PHLDB1: variants seen among roughly 807,000 people sequenced by gnomAD.
PHLDB1 encodes pleckstrin homology like domain family B member 1, also known as pleckstrin homology-like domain family B member 1.
Under a neutral mutation model 139.3 loss-of-function variants are expected in PHLDB1, and 65 were observed. The observed-to-expected ratio is 0.47, with a 90% CI of 0.38 to 0.57. The LOEUF is 0.57. Among genes scored for constraint, PHLDB1 ranks in the 20% least tolerant of loss-of-function variants. PHLDB1 has a pLI of 0.00. For missense variants in PHLDB1, 1,624 were observed against 1,839.7 expected (o/e 0.88, Z 2.14); for synonymous variants, 679 against 734.5 (o/e 0.92, Z 1.22).
Position 118,631,358 on chromosome 11 carries a change from C to A in PHLDB1, c.1979C>A (p.Ala660Asp). ...GRRPSRGLAG[A>D]SGRSSEEPGV... The stretch of plus-strand genomic sequence containing the variant: ...AGGCCCTCACGAGGCCTTGCAGGGG[C>A]CTCTGGGCGGAGCAGCGAGGAGCCT... Residue 660 changes from alanine (A) to aspartate (D), a missense_variant, in exon 7 of 23, where the codon GCC (alanine) becomes GAC (aspartate). By Grantham distance (126) the Ala-to-Asp change is moderately radical. Coordinates refer to ENST00000600882, the MANE Select transcript of PHLDB1 (RefSeq NM_001144758.3). 6.5e-7 allele frequency: 1 copy of A among 1,533,364 alleles called. No individual in the cohort carries two copies. The highest frequency in any genetic ancestry group is 8.8e-7 in the Non-Finnish European group (1 of 1,141,596). 95.0% of individuals were successfully genotyped at this position (1,533,364 alleles called of 1,614,324 possible). A position where few individuals can be genotyped will look rare whatever the true frequency, so the allele number is the denominator to read the frequency against.
At chr11:118,614,802 C>A in intron 3 of PHLDB1, 120 bp downstream of exon 3, 5 of 973,470 alleles carry the variant, frequency 5.1e-6, no homozygotes, top group Non-Finnish European at 7.5e-6. Flanking sequence ...CTCGCCTCCC[C>A]ACACCACCAG....
At chr11:118,636,400 G>C (rs1945655672) in intron 10 of PHLDB1, among the ~76,000 whole-genome samples, 1 of 152,142 alleles carries the variant, frequency 6.6e-6, no homozygotes, top group Non-Finnish European at 1.5e-5. Flanking sequence ...GGAGCTGCTG[G>C]ACTTTCCTTG....
At chr11:118,635,846 A>G (rs1945552219) in intron 10 of PHLDB1, among the ~76,000 whole-genome samples, 1 of 152,120 alleles carries the variant, frequency 6.6e-6, no homozygotes, top group Non-Finnish European at 1.5e-5. Context: ...CAGGAAGGTG[A>G]AAGATGGAGG....
rs1247846644 is a variant in PHLDB1 at position 118,632,419 on chromosome 11, G to GT, written c.2379+124dup. 7 of 1,016,068 alleles carry GT rather than the reference G, an allele frequency of 6.9e-6. No individual in the cohort carries two copies. Among genetic ancestry groups the GT allele is most frequent in the Non-Finnish European group, 1.0e-5 (7 of 683,230 alleles). 62.9% of individuals were successfully genotyped at this position (1,016,068 alleles called of 1,614,324 possible). ...CCATTCTGCAGTACAAGTGGTCTCTGTGGCTTTCCAGAGACAGAGTGACTT... is the reference window on the plus strand; with the variant it reads ...CCATTCTGCAGTACAAGTGGTCTCTGTTGGCTTTCCAGAGACAGAGTGACTT... On this transcript the variant is annotated intron_variant, in intron 9 of 22. Transcript: ENST00000600882. This position sits in a 1 kb window ranked among gnomAD's most constrained non-coding sequence, Gnocchi z 5.9.
chr11:118,635,139 T>A, intron 9 of PHLDB1: 1 of 558,638 alleles, frequency 1.8e-6, no homozygotes, highest in East Asian at 3.2e-5. Flanking sequence ...CCACCTGGCC[T>A]CTGCAGTACC....
At chr11:118,647,335 T>C (rs1290431614) in intron 17 of PHLDB1, 1 of 152,420 alleles carries the variant, frequency 6.6e-6, no homozygotes, top group Admixed American at 6.5e-5. Context: ...TGGGCATTTA[T>C]CTACATGATC....
chr11:118,632,159 G>A lies in PHLDB1; in HGVS notation c.2242G>A (p.Ala748Thr). ...EQQLQESARE[A>T]EMERALLQGE... The stretch of plus-strand genomic sequence containing the variant: ...TGGGGACCCTGGTGTCTGCCCCCAG[G>A]CCGAAATGGAGCGGGCACTGCTGCA... Residue 748 changes from alanine (A) to threonine (T), a missense_variant and splice_region_variant, in exon 9 of 23, where the codon GCC becomes ACC. Physicochemically the swap from Ala to Thr is moderately conservative, Grantham distance 58. Coordinates refer to ENST00000600882, the MANE Select transcript of PHLDB1 (RefSeq NM_001144758.3). This position sits in a 1 kb window ranked among gnomAD's most constrained non-coding sequence, Gnocchi z 5.9. The A allele has an allele frequency of 6.2e-7, 1 of 1,613,982 alleles. No individual in the cohort carries two copies. Among genetic ancestry groups the A allele is most frequent in the South Asian group, 1.1e-5 (1 of 91,072 alleles).
At position 118,632,214 on chromosome 11, in the gene PHLDB1, TGCA is replaced by T; in HGVS notation, c.2299_2301del (p.Gln767del). ...GAGAGGGAGGCAGAGCGGGCACTGC[TGCA>T]GAAGGAGCAGAAGGCAGTGGATCAG... On this transcript the variant is annotated inframe_deletion, in exon 9 of 23. Transcript: ENST00000600882. This position sits in a 1 kb window ranked among gnomAD's most constrained non-coding sequence, Gnocchi z 5.9. 6 of 1,614,124 alleles carry T rather than the reference TGCA, an allele frequency of 3.7e-6. No individual in the cohort carries two copies. The highest frequency in any genetic ancestry group is 5.1e-6 in the Non-Finnish European group (6 of 1,180,016).
chr11:118,631,469 C>A lies in PHLDB1; in HGVS notation c.2090C>A (p.Thr697Asn). Residue 697 changes from threonine to asparagine, a missense_variant, in exon 7 of 23, where the codon ACC becomes AAC. Transcript: ENST00000600882. ...GAGGAGTGCAGCAGCACTGAGAGCA[C>A]CCAGCAGGAGGTGAGATGGAGGGGT... ...LKEECSSTES[T>N]QQEHEDAPST... is the part of the protein sequence containing the mutation. 7.0e-7 allele frequency: 1 copy of A among 1,423,576 alleles called. No homozygotes were observed. 88.2% of individuals were successfully genotyped at this position (1,423,576 alleles called of 1,614,324 possible).
In PHLDB1 at chr11:118,658,014, C is replaced by T. The variant is rs1949219887; in HGVS notation, c.*1191C>T. On this transcript the variant is annotated 3_prime_UTR_variant, in exon 23 of 23. Coordinates refer to ENST00000600882, the MANE Select transcript of PHLDB1 (RefSeq NM_001144758.3). ...AAGCATTTCAGCAGAACAATAAAGC[C>T]TTTGGACTACGGAAGTGAGTGGAAG... The T allele has an allele frequency of 2.0e-6, 1 of 492,204 alleles. No individual in the cohort carries two copies. Among genetic ancestry groups the T allele is most frequent in the Admixed American group, 3.2e-5 (1 of 31,050 alleles). The allele number at this position is 492,204 out of a possible 1,614,324, so 30.5% of individuals were successfully genotyped here. A position where few individuals can be genotyped will look rare whatever the true frequency, so the allele number is the denominator to read the frequency against.
At chr11:118,621,071 G>C (rs1018516050) in intron 4 of PHLDB1, among the ~76,000 whole-genome samples, 1 of 118,474 alleles carries the variant, frequency 8.4e-6, no homozygotes, top group South Asian at 2.8e-4. Context: ...CTTACCACAG[G>C]GGGCTGGGAA....
Position 118,650,057 on chromosome 11 carries a change from AC to A in PHLDB1, c.3655-17del. The A allele has an allele frequency of 6.4e-7, 1 of 1,568,512 alleles. No homozygotes were observed. Among genetic ancestry groups the A allele is most frequent in the Non-Finnish European group, 8.8e-7 (1 of 1,138,582 alleles). On this transcript the variant is annotated intron_variant, in intron 18 of 22. Transcript: ENST00000600882. This position sits in a 1 kb window ranked among gnomAD's most constrained non-coding sequence, Gnocchi z 4.7. Reference sequence around the variant, plus strand: ...TGAGGGAAGAGAGGAGACTCTCCTGACCCTCCCTCTTGCTCCCAGGCACGAC... The same window carrying A: ...TGAGGGAAGAGAGGAGACTCTCCTGACCTCCCTCTTGCTCCCAGGCACGAC...
At chr11:118,624,843 C>T (rs1943570003) in intron 4 of PHLDB1, 91 bp from the exon 5 acceptor site, 2 of 1,361,880 alleles carry the variant, frequency 1.5e-6, no homozygotes, top group South Asian at 1.2e-5. Flanking sequence ...CTCCCGACCT[C>T]AGGTGATCCA....
At position 118,656,937 on chromosome 11, in the gene PHLDB1, G is replaced by T. The variant is rs1468848770; in HGVS notation, c.*114G>T. ...TGGGCTCTGGCCTCCTGAAGAACCA[G>T]CCAGAAGAAGAAAAGTAGAGGTGGC... On this transcript the variant is annotated 3_prime_UTR_variant, in exon 23 of 23. Transcript: ENST00000600882. 5 of 930,856 alleles carry T rather than the reference G, an allele frequency of 5.4e-6. No homozygotes were observed. The highest frequency in any genetic ancestry group is 8.0e-6 in the Non-Finnish European group (5 of 627,324). 57.7% of individuals were successfully genotyped at this position (930,856 alleles called of 1,614,324 possible).
chr11:118,617,666 C>T (rs947860241), intron 4 of PHLDB1, among the ~76,000 whole-genome samples: 77 of 151,992 alleles, frequency 5.1e-4, no homozygotes, highest in African/African-American at 1.8e-3. Flanking sequence ...TCTTCCTGCC[C>T]TCGGGTAGGG....
At position 118,632,139 on chromosome 11, in the gene PHLDB1, AC is replaced by A; in HGVS notation, c.2242-17del. 1.2e-6 allele frequency: 2 copies of A among 1,613,776 alleles called. No homozygotes were observed. Among genetic ancestry groups the A allele is most frequent in the Non-Finnish European group, 1.7e-6 (2 of 1,179,848 alleles). ...GCCACAGTCAGCTGCTTTGATGGGG[AC>A]CCTGGTGTCTGCCCCCAGGCCGAAA... On this transcript the variant is annotated intron_variant, in intron 8 of 22. Coordinates refer to ENST00000600882, the MANE Select transcript of PHLDB1 (RefSeq NM_001144758.3). This position sits in a 1 kb window ranked among gnomAD's most constrained non-coding sequence, Gnocchi z 5.9.
chr11:118,639,407 T>A (rs1946161783), intron 12 of PHLDB1, 156 bp downstream of exon 12: 1 of 642,406 alleles, frequency 1.6e-6, no homozygotes, highest in African/African-American at 1.8e-5. Flanking sequence ...GCTCTGGGAT[T>A]TGATTTTCCA....
In PHLDB1 at chr11:118,621,674, G is replaced by C. The variant is rs1011877463; in HGVS notation, c.356-3260G>C. On this transcript the variant is annotated intron_variant, in intron 4 of 22. Coordinates refer to ENST00000600882, the MANE Select transcript of PHLDB1 (RefSeq NM_001144758.3). ...CTCTGACCTTCTTTGGGAGCTTGAG[G>C]CTGAGAGACTCGATTGTGTGTGTTC... 3.9e-5 allele frequency: 6 copies of C among 152,330 alleles called. No individual in the cohort carries two copies. In the East Asian group the frequency reaches 1.2e-3, roughly 29 times the overall value. 9.4% of individuals were successfully genotyped at this position (152,330 alleles called of 1,614,324 possible).
At position 118,631,820 on chromosome 11, in the gene PHLDB1, C is replaced by T. The variant is rs1944861102; in HGVS notation, c.2101-93C>T. ...CTCCTGTCTCAGTCCAGCTATTCCT[C>T]AGCAAGTGCCTGGAGGAACAGGTGA... On this transcript the variant is annotated intron_variant, in intron 7 of 22. Coordinates refer to ENST00000600882, the MANE Select transcript of PHLDB1 (RefSeq NM_001144758.3). 1.5e-5 allele frequency: 22 copies of T among 1,419,612 alleles called. No individual in the cohort carries two copies. In the East Asian group the frequency reaches 5.0e-4, roughly 33 times the overall value. The allele number at this position is 1,419,612 out of a possible 1,614,324, so 87.9% of individuals were successfully genotyped here. A position where few individuals can be genotyped will look rare whatever the true frequency, so the allele number is the denominator to read the frequency against.
Sources: allele counts gnomAD v4.1 joint callset (sites outside exome capture counted in the v4.1 genomes callset), GRCh38; gene constraint gnomAD v4.1.1; non-coding constraint Gnocchi (gnomAD v3.1); transcripts MANE v1.5; gene names NCBI Gene and HGNC (gene_info 2026-07-23, HGNC 2026-07-21).